PAK1: variants seen among roughly 807,000 people sequenced by gnomAD.
PAK1 encodes serine/threonine-protein kinase PAK 1.
In PAK1, 29 loss-of-function variants were observed where a neutral mutation model predicts 67.4. The observed-to-expected ratio is 0.43, with a 90% CI of 0.32 to 0.59. The LOEUF is 0.59. Ranked by LOEUF, PAK1 falls within the 20% of genes least tolerant of loss-of-function variation. PAK1 has a pLI of 0.07. For missense variants in PAK1, 337 were observed against 670.7 expected (o/e 0.50, Z 5.50); for synonymous variants, 223 against 237.4 (o/e 0.94, Z 0.56).
chr11:77,441,715 T>A (rs899589514), intron 1 of PAK1, among the ~76,000 whole-genome samples: 1 of 152,210 alleles, frequency 6.6e-6, no homozygotes, highest in Non-Finnish European at 1.5e-5. Context: ...ATGTACTGAC[T>A]TCAAGGTTAG....
chr11:77,386,424 AAAGAC>A (rs1404516478), intron 2 of PAK1, among the ~76,000 whole-genome samples: 1 of 152,200 alleles, frequency 6.6e-6, no homozygotes, highest in Non-Finnish European at 1.5e-5. Context: ...CTAAATGCTG[AAAGAC>A]TTCTTAGAAT....
At chr11:77,370,696 C>T (rs1371575975) in intron 5 of PAK1, among the ~76,000 whole-genome samples, 1 of 152,128 alleles carries the variant, frequency 6.6e-6, no homozygotes, top group African/African-American at 2.4e-5. Context: ...GCTTTTGTTT[C>T]AGAGCATTGC....
chr11:77,349,019 G>T (rs1242176194), intron 9 of PAK1, among the ~76,000 whole-genome samples: 1 of 151,870 alleles, frequency 6.6e-6, no homozygotes, highest in Non-Finnish European at 1.5e-5. Flanking sequence ...CAGCTACTCA[G>T]GAGGCTGAGG....
rs1426149770 is a variant in PAK1 at position 77,456,220 on chromosome 11, T to C, written c.-22+17332A>G. Among the ~76,000 whole-genome samples the C allele has an allele frequency of 3.3e-5, 5 of 152,100 alleles. No individual in the cohort carries two copies. In the South Asian group the frequency reaches 1.0e-3, roughly 32 times the overall value. ...ACTAGAAGCTATAGGGAGATTCCCA[T>C]AGTAGACATCACACTCTCCCACTCT... On this transcript the variant is annotated intron_variant, in intron 1 of 14. Transcript: ENST00000356341.
the PAK1 span, among the ~76,000 whole-genome samples, chr11:77,500,118 A>G: frequency 1.3e-5 from 2 of 152,248 alleles, no homozygotes; most frequent in Non-Finnish European, 2.9e-5. Flanking sequence ...CAGAATTTGT[A>G]TAGCAAAGAT....
At chr11:77,483,977 G>A in the PAK1 span, among the ~76,000 whole-genome samples, 1 of 152,142 alleles carries the variant, frequency 6.6e-6, no homozygotes, top group Non-Finnish European at 1.5e-5. Context: ...ATGAGCATCT[G>A]ATTCAGGTTA....
chr11:77,341,618 C>T (rs1943618204), intron 10 of PAK1, among the ~76,000 whole-genome samples: 1 of 152,154 alleles, frequency 6.6e-6, no homozygotes, highest in Non-Finnish European at 1.5e-5. Context: ...GTCAATGTTT[C>T]CTTACTATAG....
intron 14 of PAK1, among the ~76,000 whole-genome samples, chr11:77,327,563 C>T (rs1261658863): frequency 2.0e-5 from 3 of 148,812 alleles, no homozygotes; most frequent in Non-Finnish European, 4.5e-5. Context: ...GAAATAAAAT[C>T]CTTTACAGAC....
At chr11:77,467,523 T>C (rs1255170081) in intron 1 of PAK1, among the ~76,000 whole-genome samples, 1 of 152,234 alleles carries the variant, frequency 6.6e-6, no homozygotes, top group East Asian at 1.9e-4. Context: ...ACATAAGACA[T>C]TTATGCAAAA....
intron 1 of PAK1, chr11:77,397,162 G>A (rs528568845): frequency 1.3e-5 from 2 of 152,282 alleles, no homozygotes; most frequent in Admixed American, 1.3e-4. Flanking sequence ...ATCCATCCTG[G>A]ACAACAAATG....
chr11:77,439,499 T>A (rs1592479768), intron 1 of PAK1, among the ~76,000 whole-genome samples: 1 of 152,312 alleles, frequency 6.6e-6, no homozygotes, highest in Non-Finnish European at 1.5e-5. Flanking sequence ...AGTTCAAACA[T>A]GGGTTAAAGG....
In PAK1 at chr11:77,426,841, T is replaced by TAAA. The variant is rs66931592; in HGVS notation, c.-21-34303_-21-34301dup. 3.9e-3 allele frequency among the ~76,000 whole-genome samples: 497 copies of TAAA among 128,198 alleles called. 6 individuals carry two copies. Among genetic ancestry groups the TAAA allele is most frequent in the South Asian group, 0.031 (122 of 3,952 alleles). 84.1% of individuals were successfully genotyped at this position (128,198 alleles called of 152,430 possible). A position where few individuals can be genotyped will look rare whatever the true frequency, so the allele number is the denominator to read the frequency against. On this transcript the variant is annotated intron_variant, in intron 1 of 14. Transcript: ENST00000356341. ...AGGAAAAGCAAAAATGAGCAATCTTTAAAAAAAAAAAAAAAAAAAATTCGG... is the reference window on the plus strand; with the variant it reads ...AGGAAAAGCAAAAATGAGCAATCTTTAAAAAAAAAAAAAAAAAAAAAAATTCGG...
intron 1 of PAK1, among the ~76,000 whole-genome samples, chr11:77,413,524 A>G (rs1954768732): frequency 6.6e-6 from 1 of 152,118 alleles, no homozygotes; most frequent in South Asian, 2.1e-4. Flanking sequence ...TCTCTACTAA[A>G]AACACAAAAA....
At chr11:77,454,264 A>G (rs964533216) in intron 1 of PAK1, among the ~76,000 whole-genome samples, 1 of 151,994 alleles carries the variant, frequency 6.6e-6, no homozygotes, top group African/African-American at 2.4e-5. Flanking sequence ...AATGAGGTAA[A>G]AAGACCAGGA....
At chr11:77,435,686 T>C (rs1956096860) in intron 1 of PAK1, among the ~76,000 whole-genome samples, 2 of 145,838 alleles carry the variant, frequency 1.4e-5, no homozygotes, top group Non-Finnish European at 3.0e-5. Flanking sequence ...TTTTTTGTAT[T>C]TTTAGTAGAG....
chr11:77,503,360 C>T, the PAK1 span, among the ~76,000 whole-genome samples: 1 of 152,176 alleles, frequency 6.6e-6, no homozygotes, highest in Admixed American at 6.5e-5. Flanking sequence ...GGTGGCCTCC[C>T]CATCCTATGC....
At chr11:77,385,160 G>A (rs1375510138) in intron 2 of PAK1, among the ~76,000 whole-genome samples, 2 of 152,128 alleles carry the variant, frequency 1.3e-5, no homozygotes, top group African/African-American at 4.8e-5. Context: ...AACAGGAGAA[G>A]GGTATTCCTC....
At chr11:77,490,993 G>A in the PAK1 span, among the ~76,000 whole-genome samples, 2 of 152,104 alleles carry the variant, frequency 1.3e-5, no homozygotes, top group East Asian at 1.9e-4. Context: ...AAACACTGCG[G>A]AAGGCCGAAG....
At chr11:77,343,301 C>T (rs1591782768) in intron 10 of PAK1, among the ~76,000 whole-genome samples, 1 of 149,940 alleles carries the variant, frequency 6.7e-6, no homozygotes, top group East Asian at 1.9e-4. Flanking sequence ...TAGTTGACTG[C>T]AAACTTACTG....
Sources: gnomAD v4.1 joint callset for allele counts (sites outside exome capture counted in the v4.1 genomes callset) on GRCh38, gnomAD v4.1.1 for gene constraint, MANE v1.5 for transcripts, NCBI Gene and HGNC (gene_info 2026-07-23, HGNC 2026-07-21) for gene names.